The following SEMA5A variants were observed in gnomAD, a reference collection of about 807,000 sequenced individuals.
The protein encoded by SEMA5A is semaphorin 5A, also known as semaphorin-5A.
Under a neutral mutation model 135.5 loss-of-function variants are expected in SEMA5A, and 55 were observed. The observed-to-expected ratio is 0.41, with a 90% CI of 0.33 to 0.51. SEMA5A has a LOEUF of 0.51. Among genes scored for constraint, SEMA5A ranks in the 20% least tolerant of loss-of-function variants. SEMA5A has a pLI of 0.37. For missense variants in SEMA5A, 1,290 were observed against 1,419.9 expected (o/e 0.91, Z 1.47); for synonymous variants, 580 against 546.5 (o/e 1.06, Z -0.85).
chr5:9,250,899 A>C (rs750864372), intron 5 of SEMA5A, among the ~76,000 whole-genome samples: 1 of 152,222 alleles, frequency 6.6e-6, no homozygotes, highest in Non-Finnish European at 1.5e-5. Context: ...TAAGATTTTC[A>C]TATCTATTAG....
chr5:9,479,194 C>T (rs754235836), intron 1 of SEMA5A, among the ~76,000 whole-genome samples: 4 of 152,070 alleles, frequency 2.6e-5, no homozygotes, highest in Non-Finnish European at 2.9e-5. Context: ...TTATCAATTA[C>T]CCAGTCTCAG....
chr5:9,290,426 TTATC>T (rs1312824246), intron 5 of SEMA5A, among the ~76,000 whole-genome samples: 1 of 152,228 alleles, frequency 6.6e-6, no homozygotes, highest in African/African-American at 2.4e-5. Context: ...TACATTTTCT[TTATC>T]TACTTGTTGA....
intron 2 of SEMA5A, chr5:9,380,338 T>TTAA (rs1035336672): frequency 6.0e-6 from 1 of 166,884 alleles, no homozygotes; most frequent in Admixed American, 5.7e-5. Flanking sequence ...GGAATGCAGA[T>TTAA]TAATAGTTGG....
intron 1 of SEMA5A, among the ~76,000 whole-genome samples, chr5:9,524,879 C>T (rs1289367923): frequency 1.3e-5 from 2 of 152,220 alleles, no homozygotes; most frequent in Non-Finnish European, 2.9e-5. Flanking sequence ...CATATACTAA[C>T]CATATATCTA....
At position 9,197,316 on chromosome 5, in the gene SEMA5A, G is replaced by A. The variant is rs199871275; in HGVS notation, c.933-13C>T. 3 of 1,585,910 alleles carry A rather than the reference G, an allele frequency of 1.9e-6. No homozygotes were observed. Among genetic ancestry groups the A allele is most frequent in the Non-Finnish European group, 2.6e-6 (3 of 1,168,714 alleles). ...CGCAATGCTGTTCCTGGGAGCGGAG[G>A]GAGAGAGAGAAGGCAGTCAGAGAGC... On this transcript the variant is annotated splice_polypyrimidine_tract_variant and intron_variant, in intron 9 of 22. Transcript: ENST00000382496.
intron 1 of SEMA5A, among the ~76,000 whole-genome samples, chr5:9,489,507 A>G (rs1324348031): frequency 6.6e-6 from 1 of 152,164 alleles, no homozygotes; most frequent in Non-Finnish European, 1.5e-5. Context: ...CCACAAGTAA[A>G]TGGATTGTGC....
At chr5:9,185,983 G>C (rs1206097607) in intron 11 of SEMA5A, among the ~76,000 whole-genome samples, 1 of 152,134 alleles carries the variant, frequency 6.6e-6, no homozygotes, top group Non-Finnish European at 1.5e-5. Context: ...AGTCAAGTAA[G>C]GGAGAAACTC....
intron 16 of SEMA5A, among the ~76,000 whole-genome samples, chr5:9,102,668 T>A (rs567625283): frequency 6.6e-6 from 1 of 152,106 alleles, no homozygotes; most frequent in Non-Finnish European, 1.5e-5. Context: ...ACTACAAAAA[T>A]CATCTACAGT....
chr5:9,425,138 A>G (rs975016333), intron 2 of SEMA5A, among the ~76,000 whole-genome samples: 1 of 152,136 alleles, frequency 6.6e-6, no homozygotes, highest in Non-Finnish European at 1.5e-5. Flanking sequence ...TTTCCCCACT[A>G]CACACAAACC....
chr5:9,510,498 C>A (rs1165782405), intron 1 of SEMA5A, among the ~76,000 whole-genome samples: 2 of 152,112 alleles, frequency 1.3e-5, no homozygotes, highest in African/African-American at 2.4e-5. Flanking sequence ...TTTGTAAGAA[C>A]TCTTTTACAT....
Position 9,380,006 on chromosome 5 carries a change from C to T in SEMA5A, c.-60G>A, listed in dbSNP as rs3026309. 0.031 allele frequency: 48,189 copies of T among 1,545,946 alleles called. 847 individuals are homozygous for T. Among genetic ancestry groups the T allele is most frequent in the Middle Eastern group, 0.057 (315 of 5,498 alleles). On this transcript the variant is annotated 5_prime_UTR_variant, in exon 3 of 23. Transcript: ENST00000382496. Reference sequence around the variant, plus strand: ...CTTCTAAACAGAAGCTCTTCTTCTCCTCATGTGTGGAAAGTGCCTAAAACA... The same window carrying T: ...CTTCTAAACAGAAGCTCTTCTTCTCTTCATGTGTGGAAAGTGCCTAAAACA...
rs771948644 is a variant in SEMA5A, at chr5:9,054,158, G to A, written c.2618C>T (p.Pro873Leu). The change falls in exon 19 of 23, where the codon CCG becomes CTG. Residue 873 changes from proline to leucine, a missense_variant. Physicochemically the swap from Pro to Leu is moderately conservative, Grantham distance 98. This residue lies in a region of SEMA5A where 1,029 missense variants were observed against 1,086.6 expected (regional missense o/e 0.95). Transcript: ENST00000382496. The stretch of plus-strand genomic sequence containing the variant: ...CAGGCAGATGTCCCCTCCATAGGCC[G>A]GGGCTGGATTGGAGCAAGAGCGGGT... ...MRTRSCSNPA[P>L]AYGGDICLGL... 4 of 1,613,914 alleles carry A rather than the reference G, an allele frequency of 2.5e-6. No individual in the cohort carries two copies. The highest frequency in any genetic ancestry group is 3.4e-6 in the Non-Finnish European group (4 of 1,179,970).
intron 13 of SEMA5A, among the ~76,000 whole-genome samples, chr5:9,136,007 G>A (rs374420225): frequency 1.3e-5 from 2 of 152,106 alleles, no homozygotes; most frequent in African/African-American, 2.4e-5. Flanking sequence ...CACACTAGGC[G>A]GTCTCTTCCA....
At chr5:9,097,092 GA>G (rs1327281447) in intron 16 of SEMA5A, among the ~76,000 whole-genome samples, 1 of 152,054 alleles carries the variant, frequency 6.6e-6, no homozygotes, top group African/African-American at 2.4e-5. Context: ...ACTTTAAAAA[GA>G]GGGGGGAAAA....
chr5:9,106,516 A>G (rs1365866376), intron 16 of SEMA5A, among the ~76,000 whole-genome samples: 1 of 152,196 alleles, frequency 6.6e-6, no homozygotes, highest in African/African-American at 2.4e-5. Context: ...TCACACTGCA[A>G]TGTATTTAGA....
At position 9,054,079 on chromosome 5, in the gene SEMA5A, C is replaced by T. The variant is rs749552305; in HGVS notation, c.2689+8G>A. 1.3e-6 allele frequency: 2 copies of T among 1,599,764 alleles called. No homozygotes were observed. Among genetic ancestry groups the T allele is most frequent in the Non-Finnish European group, 8.5e-7 (1 of 1,174,670 alleles). Reference sequence around the variant, plus strand: ...TGAAAGCTGTGCAGTAGGTGAGGTGCCGCTTACCTGGGCAGGGCTGCGTGT... The same window carrying T: ...TGAAAGCTGTGCAGTAGGTGAGGTGTCGCTTACCTGGGCAGGGCTGCGTGT... On this transcript the variant is annotated splice_region_variant and intron_variant, in intron 19 of 22. Coordinates refer to ENST00000382496, the MANE Select transcript of SEMA5A (RefSeq NM_003966.3).
intron 6 of SEMA5A, among the ~76,000 whole-genome samples, chr5:9,227,697 C>T (rs1440633812): frequency 1.3e-5 from 2 of 152,016 alleles, no homozygotes; most frequent in Non-Finnish European, 2.9e-5. Context: ...ACTACAGGTG[C>T]CCGCCACCAC....
At chr5:9,501,554 T>C (rs1040021866) in intron 1 of SEMA5A, among the ~76,000 whole-genome samples, 2 of 152,118 alleles carry the variant, frequency 1.3e-5, no homozygotes, top group African/African-American at 4.8e-5. Flanking sequence ...TTCAGAAACA[T>C]GAAGTAGATG....
At chr5:9,234,143 A>G (rs919553491) in intron 6 of SEMA5A, among the ~76,000 whole-genome samples, 6 of 152,208 alleles carry the variant, frequency 3.9e-5, no homozygotes, top group African/African-American at 1.2e-4. Context: ...GTTACCTATC[A>G]GTCAAATTGA....
Sources: gnomAD v4.1 joint callset for allele counts (sites outside exome capture counted in the v4.1 genomes callset) on GRCh38, gnomAD v4.1.1 for gene constraint, gnomAD v4.1.1 regional missense constraint, MANE v1.5 for transcripts, NCBI Gene and HGNC (gene_info 2026-07-23, HGNC 2026-07-21) for gene names.